B4GALT5: variants seen among roughly 807,000 people sequenced by gnomAD.
B4GALT5 encodes the protein beta-1,4-galactosyltransferase 5, also known as UDP-Gal:beta-GlcNAc beta-1,4-galactosyltransferase 5.
B4GALT5 carries 11 observed loss-of-function variants against 45.0 expected under a neutral mutation model. The ratio of observed to expected loss-of-function variants is 0.24; its 90% confidence interval spans 0.15 to 0.40. B4GALT5 has a LOEUF of 0.40. Among genes scored for constraint, B4GALT5 ranks in the 10% least tolerant of loss-of-function variants. The pLI is 1.00. For missense variants in B4GALT5, 337 were observed against 500.2 expected (o/e 0.67, Z 3.11); for synonymous variants, 185 against 182.9 (o/e 1.01, Z -0.09).
chr20:49,656,699 T>C lies in B4GALT5; in HGVS notation c.119A>G (p.Asn40Ser). Residue 40 changes from asparagine to serine, a missense_variant, in exon 2 of 9, where the codon AAC becomes AGC. Around this residue, in one of 2 missense-constraint regions of B4GALT5, gnomAD observed 174 missense variants for 207.4 expected, o/e 0.84. Transcript: ENST00000371711. ...GGCTTGCATCATGAAGAGGTAGGTG[T>C]TCACTGCAGAAAGCAAAAAGGGGAA... ...YFVYVAPGIV[N>S]TYLFMMQAQG... 6.2e-7 allele frequency: 1 copy of C among 1,614,158 alleles called. No individual in the cohort carries two copies. Among genetic ancestry groups the C allele is most frequent in the Non-Finnish European group, 8.5e-7 (1 of 1,180,010 alleles).
At chr20:49,690,577 A>G (rs959438076) in intron 1 of B4GALT5, among the ~76,000 whole-genome samples, 1 of 151,848 alleles carries the variant, frequency 6.6e-6, no homozygotes, top group African/African-American at 2.4e-5. Flanking sequence ...GGTGACAATT[A>G]TATTTTAATT....
chr20:49,696,691 G>A (rs765726543), intron 1 of B4GALT5, among the ~76,000 whole-genome samples: 2 of 152,160 alleles, frequency 1.3e-5, no homozygotes, highest in Non-Finnish European at 2.9e-5. Flanking sequence ...CAATGACAAG[G>A]ACACAAGTGA....
chr20:49,672,366 C>G (rs771102335), intron 1 of B4GALT5, among the ~76,000 whole-genome samples: 3 of 152,212 alleles, frequency 2.0e-5, no homozygotes, highest in Non-Finnish European at 4.4e-5. Context: ...AGAGAAAGCA[C>G]TTGAAAATTT....
chr20:49,645,480 G>C (rs142500366), intron 3 of B4GALT5, among the ~76,000 whole-genome samples: 22 of 152,250 alleles, frequency 1.4e-4, no homozygotes, highest in African/African-American at 5.1e-4. Context: ...TGGGAGCAGT[G>C]GCTCACACCT....
chr20:49,681,690 T>C (rs1473871851), intron 1 of B4GALT5, among the ~76,000 whole-genome samples: 1 of 152,244 alleles, frequency 6.6e-6, no homozygotes, highest in Non-Finnish European at 1.5e-5. Flanking sequence ...CCCATCCTGG[T>C]TAATGGTAAC....
intron 1 of B4GALT5, among the ~76,000 whole-genome samples, chr20:49,682,126 A>G (rs6122808): frequency 0.016 from 2,442 of 152,254 alleles, 38 homozygotes; most frequent in East Asian, 0.082. Context: ...AAACCCTCCA[A>G]TGAATTCTCA....
In B4GALT5 at chr20:49,684,467, A is replaced by C. The variant is rs138202430; in HGVS notation, c.116-27765T>G. 4,251 of 469,512 alleles carry C rather than the reference A, an allele frequency of 9.1e-3. 41 individuals carry two copies. The highest frequency in any genetic ancestry group is 0.013 in the Non-Finnish European group (3,014 of 237,890). The allele number at this position is 469,512 out of a possible 1,614,324, so 29.1% of individuals were successfully genotyped here. A position where few individuals can be genotyped will look rare whatever the true frequency, so the allele number is the denominator to read the frequency against. On this transcript the variant is annotated intron_variant, in intron 1 of 8. Coordinates refer to ENST00000371711, the MANE Select transcript of B4GALT5 (RefSeq NM_004776.4). The stretch of plus-strand genomic sequence containing the variant: ...AGTCCCAGCTGCTGGGGAGGCTGAG[A>C]CAGCAGAATGGTGTGAACCCAGGAG...
chr20:49,684,807 G>A (rs141976875), intron 1 of B4GALT5, among the ~76,000 whole-genome samples: 100 of 152,330 alleles, frequency 6.6e-4, no homozygotes, highest in Admixed American at 1.3e-3. Context: ...AGAGGTTTGA[G>A]TCCCTGCTCG....
At chr20:49,642,864 A>G (rs947558308) in intron 4 of B4GALT5, among the ~76,000 whole-genome samples, 1 of 152,242 alleles carries the variant, frequency 6.6e-6, no homozygotes, top group Non-Finnish European at 1.5e-5. Context: ...TGTGACAAAA[A>G]TACATCTATA....
chr20:49,695,659 C>G (rs566629814), intron 1 of B4GALT5, among the ~76,000 whole-genome samples: 29 of 152,276 alleles, frequency 1.9e-4, no homozygotes, highest in Middle Eastern at 3.4e-3. Context: ...GTTTGGCCTC[C>G]CAAAGTGCTA....
chr20:49,634,419 A>G lies in B4GALT5; in HGVS notation c.*1893T>C, dbSNP rs1984458729. 1 of 152,478 alleles carries G rather than the reference A, an allele frequency of 6.6e-6. No homozygotes were observed. Among genetic ancestry groups the G allele is most frequent in the Non-Finnish European group, 1.5e-5 (1 of 68,040 alleles). The allele number at this position is 152,478 out of a possible 1,614,324, so 9.4% of individuals were successfully genotyped here. ...TACTCTTCAGAAAGTACTCCTCATC[A>G]CAATATATAAATATGTTTTATGGAA... On this transcript the variant is annotated 3_prime_UTR_variant, in exon 9 of 9. Coordinates refer to ENST00000371711, the MANE Select transcript of B4GALT5 (RefSeq NM_004776.4).
At chr20:49,712,982 A>G (rs1482240552) in intron 1 of B4GALT5, among the ~76,000 whole-genome samples, 2 of 145,604 alleles carry the variant, frequency 1.4e-5, no homozygotes, top group East Asian at 4.1e-4. Context: ...TGAGTTAGGG[A>G]GGAGGACCTG....
chr20:49,701,791 C>A (rs1164630894), intron 1 of B4GALT5, among the ~76,000 whole-genome samples: 1 of 152,116 alleles, frequency 6.6e-6, no homozygotes, highest in Non-Finnish European at 1.5e-5. Flanking sequence ...AAATACCAAA[C>A]AGGCTAGGCG....
chr20:49,650,041 T>C (rs1020438655), intron 2 of B4GALT5, among the ~76,000 whole-genome samples: 51 of 152,266 alleles, frequency 3.3e-4, no homozygotes, highest in Middle Eastern at 3.4e-3. Context: ...GAAACTAGAA[T>C]TTAAAAAACA....
chr20:49,656,450 C>T, intron 2 of B4GALT5, 118 bp downstream of exon 2: 1 of 1,342,052 alleles, frequency 7.5e-7, no homozygotes, highest in Non-Finnish European at 1.0e-6. Context: ...TAAAGTAAAA[C>T]TCAGCCAAAT....
At chr20:49,694,615 T>C (rs1481017327) in intron 1 of B4GALT5, among the ~76,000 whole-genome samples, 1 of 142,512 alleles carries the variant, frequency 7.0e-6, no homozygotes, top group Non-Finnish European at 1.5e-5. Flanking sequence ...CCAGCCTTGG[T>C]GACACAGCAA....
intron 1 of B4GALT5, among the ~76,000 whole-genome samples, chr20:49,709,596 A>G (rs2085899219): frequency 6.6e-6 from 1 of 151,982 alleles, no homozygotes; most frequent in African/African-American, 2.4e-5. Context: ...ACATGGTAAA[A>G]CCCCATCTCT....
intron 1 of B4GALT5, among the ~76,000 whole-genome samples, chr20:49,679,668 T>C (rs1431915385): frequency 1.3e-5 from 2 of 150,630 alleles, no homozygotes; most frequent in East Asian, 3.9e-4. Flanking sequence ...AAAGTGAGAC[T>C]ACATCTTCAA....
chr20:49,636,905 A>AATACACACAC (rs1250619722), intron 8 of B4GALT5, among the ~76,000 whole-genome samples: 1 of 71,086 alleles, frequency 1.4e-5, no homozygotes, highest in East Asian at 4.2e-4. Flanking sequence ...CAATTTAGAA[A>AATACACACAC]AGACACACAC....
Sources: allele counts gnomAD v4.1 joint callset (sites outside exome capture counted in the v4.1 genomes callset), GRCh38; gene constraint gnomAD v4.1.1; regional missense constraint gnomAD v4.1.1; transcripts MANE v1.5; gene names NCBI Gene and HGNC (gene_info 2026-07-23, HGNC 2026-07-21).